ZFHX3: variants seen among roughly 807,000 people sequenced by gnomAD.
ZFHX3 encodes zinc finger homeobox protein 3.
Under a neutral mutation model 279.1 loss-of-function variants are expected in ZFHX3, and 42 were observed. The observed-to-expected ratio is 0.15, with a 90% CI of 0.12 to 0.19. ZFHX3 has a LOEUF of 0.19. Among genes scored for constraint, ZFHX3 ranks in the 10% least tolerant of loss-of-function variants. The pLI is 1.00. For synonymous variants in ZFHX3, 2,293 were observed against 1,957.8 expected, an observed-to-expected ratio of 1.17 and a Z score of -4.52; for missense variants, 4,981 against 4,754.0, an observed-to-expected ratio of 1.05 and a Z score of -1.40.
At chr16:73,771,527 T>C (rs918498418) in intron 1 of ZFHX3, among the ~76,000 whole-genome samples, 1 of 152,186 alleles carries the variant, frequency 6.6e-6, no homozygotes, top group African/African-American at 2.4e-5. Context: ...TCTGGAGAAA[T>C]ACCATGCTGA....
chr16:73,594,026 G>C (rs1356041945), intron 2 of ZFHX3, among the ~76,000 whole-genome samples: 1 of 152,118 alleles, frequency 6.6e-6, no homozygotes, highest in Non-Finnish European at 1.5e-5. Flanking sequence ...CATTATACTG[G>C]AGGTCACAGC....
chr16:73,732,320 A>G (rs566532936), intron 1 of ZFHX3, among the ~76,000 whole-genome samples: 2 of 152,336 alleles, frequency 1.3e-5, no homozygotes, highest in South Asian at 4.1e-4. Flanking sequence ...CTAATGATCC[A>G]TGGAATTATC....
At chr16:73,446,882 A>C (rs2018195636) in intron 3 of ZFHX3, among the ~76,000 whole-genome samples, 1 of 152,148 alleles carries the variant, frequency 6.6e-6, no homozygotes, top group Non-Finnish European at 1.5e-5. Context: ...CCCTGAACTT[A>C]AAAGTAAAAC....
At chr16:73,585,442 C>A (rs2051915317) in intron 2 of ZFHX3, among the ~76,000 whole-genome samples, 1 of 152,008 alleles carries the variant, frequency 6.6e-6, no homozygotes, top group Non-Finnish European at 1.5e-5. Context: ...CACACTGGGG[C>A]TTGTCGGGAG....
intron 7 of ZFHX3, among the ~76,000 whole-genome samples, chr16:72,802,323 C>T (rs904461075): frequency 5.3e-5 from 8 of 152,050 alleles, no homozygotes; most frequent in Non-Finnish European, 7.4e-5. Context: ...TGTCTCGCTG[C>T]GACTTTAATC....
Position 73,350,138 on chromosome 16 carries a change from A to G in ZFHX3, c.-1290-31802T>C, listed in dbSNP as rs550394735. On this transcript the variant is annotated intron_variant, in intron 3 of 17. Coordinates refer to the ZFHX3 transcript ENST00000641206. ...GAGGATGCTGAGTCTTCATCAGCCTAGATTCCAATTATAATGGACCTATAG... is the reference window on the plus strand; with the variant it reads ...GAGGATGCTGAGTCTTCATCAGCCTGGATTCCAATTATAATGGACCTATAG... Among the ~76,000 whole-genome samples, 3 of 152,238 alleles carry G rather than the reference A, an allele frequency of 2.0e-5. No individual in the cohort carries two copies. The East Asian group carries it at 5.8e-4, about 30-fold the overall frequency.
At chr16:73,112,094 C>G (rs774734148) in intron 7 of ZFHX3, among the ~76,000 whole-genome samples, 8 of 152,022 alleles carry the variant, frequency 5.3e-5, no homozygotes, top group Non-Finnish European at 1.0e-4. Context: ...TAGAAAACAC[C>G]TGGGGAGATG....
intron 3 of ZFHX3, among the ~76,000 whole-genome samples, chr16:72,913,710 G>T (rs1481139944): frequency 6.6e-6 from 1 of 152,138 alleles, no homozygotes; most frequent in Non-Finnish European, 1.5e-5. Flanking sequence ...CCACCTTCTG[G>T]TTATTACGCT....
In ZFHX3 at chr16:73,410,927, C is replaced by A. The variant is rs545311627; in HGVS notation, c.-1291+45076G>T. On this transcript the variant is annotated intron_variant, in intron 3 of 17. Coordinates refer to the ZFHX3 transcript ENST00000641206. ...CAGGTTCACAGTGGCAGGTGCAGAA[C>A]TACAGCCCAGCACCGAATAATCAAA... 2.8e-4 allele frequency among the ~76,000 whole-genome samples: 42 copies of A among 152,324 alleles called. 1 individual carries two copies. The South Asian group carries it at 8.1e-3, about 29-fold the overall frequency.
At chr16:73,060,688 TTAAG>T (rs1392858216), upstream of ZFHX3, 17 of 152,188 alleles carry the variant, frequency 1.1e-4, no homozygotes, top group African/African-American at 2.9e-4. Context: ...AATCAGCACT[TTAAG>T]TAATCTGCAA....
chr16:73,585,375 C>G (rs1440990521), intron 2 of ZFHX3, among the ~76,000 whole-genome samples: 1 of 152,180 alleles, frequency 6.6e-6, no homozygotes, highest in East Asian at 1.9e-4. Context: ...GAGATGGTGC[C>G]ACTGCCCTCT....
At chr16:73,688,375 ATTGT>A (rs2053113491) in intron 1 of ZFHX3, among the ~76,000 whole-genome samples, 1 of 150,882 alleles carries the variant, frequency 6.6e-6, no homozygotes. Flanking sequence ...AAAAAAAAAA[ATTGT>A]ATCTTGAAAT....
intron 1 of ZFHX3, among the ~76,000 whole-genome samples, chr16:72,996,824 T>TC (rs1395475448): frequency 6.6e-6 from 1 of 152,238 alleles, no homozygotes; most frequent in Non-Finnish European, 1.5e-5. Context: ...TGACCAGTAC[T>TC]CCGGATCCAG....
intron 1 of ZFHX3, among the ~76,000 whole-genome samples, chr16:73,019,361 TGTGTGTGC>T (rs1567635757): frequency 1.3e-5 from 2 of 151,936 alleles, no homozygotes; most frequent in African/African-American, 4.8e-5. Context: ...TGTGTGTGTG[TGTGTGTGC>T]GTGTGCGTGT....
At chr16:72,798,775 C>A in intron 8 of ZFHX3, 61 bp from the exon 9 acceptor site, 1 of 1,499,866 alleles carries the variant, frequency 6.7e-7, no homozygotes, top group Admixed American at 2.3e-5. Flanking sequence ...TCAAGGATGG[C>A]ACCCAGAGCG....
At chr16:73,326,877 G>C (rs1421307905) in intron 3 of ZFHX3, among the ~76,000 whole-genome samples, 1 of 152,110 alleles carries the variant, frequency 6.6e-6, no homozygotes, top group Non-Finnish European at 1.5e-5. Flanking sequence ...ACATACCTTG[G>C]AGGCGATGCC....
At chr16:73,803,048 G>T (rs990323789) in intron 1 of ZFHX3, among the ~76,000 whole-genome samples, 6 of 152,148 alleles carry the variant, frequency 3.9e-5, no homozygotes, top group Non-Finnish European at 8.8e-5. Context: ...AGATTTGCCC[G>T]CCTCAGCCTC....
chr16:73,352,831 TG>T (rs1215839451), intron 3 of ZFHX3, among the ~76,000 whole-genome samples: 1 of 152,116 alleles, frequency 6.6e-6, no homozygotes, highest in African/African-American at 2.4e-5. Flanking sequence ...TTTCTTCATA[TG>T]GGACTTCATC....
At chr16:73,405,203 A>G (rs543826568) in intron 3 of ZFHX3, among the ~76,000 whole-genome samples, 1 of 152,194 alleles carries the variant, frequency 6.6e-6, no homozygotes, top group Non-Finnish European at 1.5e-5. Context: ...TTTGAGAGTC[A>G]TGTGTGTTTT....
Sources: gnomAD v4.1 joint callset for allele counts (sites outside exome capture counted in the v4.1 genomes callset) on GRCh38, gnomAD v4.1.1 for gene constraint, MANE v1.5 for transcripts, NCBI Gene and HGNC (gene_info 2026-07-23, HGNC 2026-07-21) for gene names.